The following CADM2 variants were observed in gnomAD, a reference collection of about 807,000 sequenced individuals.
The protein encoded by CADM2 is cell adhesion molecule 2, also known as immunoglobulin superfamily member 4D.
Under a neutral mutation model 49.8 loss-of-function variants are expected in CADM2, and 12 were observed. That is an observed-to-expected ratio of 0.24 (90% CI 0.15 to 0.39). The LOEUF is 0.39. Among genes scored for constraint, CADM2 ranks in the 10% least tolerant of loss-of-function variants. The pLI is 1.00. For missense variants in CADM2, 378 were observed against 492.3 expected (o/e 0.77, Z 2.20); for synonymous variants, 214 against 175.4 (o/e 1.22, Z -1.74).
chr3:85,212,649 C>T (rs2041805935), intron 1 of CADM2, among the ~76,000 whole-genome samples: 1 of 151,624 alleles, frequency 6.6e-6, no homozygotes, highest in Admixed American at 6.6e-5. Flanking sequence ...TTTACTATGT[C>T]TTGAAAAATT....
At chr3:85,272,400 T>C (rs1043434598) in intron 1 of CADM2, among the ~76,000 whole-genome samples, 2 of 151,322 alleles carry the variant, frequency 1.3e-5, no homozygotes, top group Non-Finnish European at 3.0e-5. Context: ...TAAATCAAAT[T>C]TACTTCTTTT....
chr3:85,601,071 C>T (rs1268232435), intron 1 of CADM2, among the ~76,000 whole-genome samples: 1 of 139,188 alleles, frequency 7.2e-6, no homozygotes, highest in African/African-American at 2.7e-5. Context: ...TATATATCTG[C>T]CTATCTTTTT....
chr3:85,981,074 G>A (rs915000646), intron 8 of CADM2, among the ~76,000 whole-genome samples: 1 of 150,596 alleles, frequency 6.6e-6, no homozygotes, highest in African/African-American at 2.4e-5. Flanking sequence ...AAGTACTATT[G>A]TTCTTTGTGG....
chr3:85,146,978 A>G (rs1044011085), intron 1 of CADM2, among the ~76,000 whole-genome samples: 2 of 152,088 alleles, frequency 1.3e-5, no homozygotes, highest in African/African-American at 4.8e-5. Flanking sequence ...TAGATGAAAT[A>G]CTACATGAGT....
intron 1 of CADM2, among the ~76,000 whole-genome samples, chr3:85,366,524 A>G (rs1242474264): frequency 5.9e-5 from 9 of 152,194 alleles, no homozygotes; most frequent in Non-Finnish European, 1.0e-4. Flanking sequence ...TTCATTTATA[A>G]TCTTTGAAAG....
intron 1 of CADM2, among the ~76,000 whole-genome samples, chr3:85,434,421 G>A (rs1274488656): frequency 1.3e-5 from 2 of 151,770 alleles, no homozygotes; most frequent in African/African-American, 4.8e-5. Context: ...TGATATAACA[G>A]TATATTCATT....
chr3:85,346,677 C>T (rs1189643130), intron 1 of CADM2, among the ~76,000 whole-genome samples: 1 of 152,084 alleles, frequency 6.6e-6, no homozygotes, highest in African/African-American at 2.4e-5. Flanking sequence ...AAAATGCAAA[C>T]ACAAATTCTC....
chr3:86,012,721 G>T, intron 8 of CADM2: 2 of 923,290 alleles, frequency 2.2e-6, no homozygotes, highest in South Asian at 2.8e-5. Flanking sequence ...TGGGCGCGTT[G>T]ACTCACGCCT....
chr3:85,735,639 A>G (rs2107808369), intron 2 of CADM2, among the ~76,000 whole-genome samples: 1 of 152,306 alleles, frequency 6.6e-6, no homozygotes, highest in East Asian at 1.9e-4. Context: ...AAATGTGATT[A>G]TAATAGGATG....
chr3:85,744,673 A>C (rs1374985768), intron 2 of CADM2, among the ~76,000 whole-genome samples: 1 of 152,160 alleles, frequency 6.6e-6, no homozygotes, highest in Non-Finnish European at 1.5e-5. Context: ...GTATAAGATC[A>C]GAGCAAGGGC....
intron 8 of CADM2, among the ~76,000 whole-genome samples, chr3:85,967,618 A>T (rs1342385372): frequency 6.6e-5 from 10 of 151,658 alleles, no homozygotes; most frequent in Non-Finnish European, 1.5e-4. Context: ...TGATCTGAGA[A>T]CTTCATCACA....
intron 1 of CADM2, among the ~76,000 whole-genome samples, chr3:85,685,339 G>A (rs141389674): frequency 3.3e-5 from 5 of 152,210 alleles, no homozygotes; most frequent in African/African-American, 4.8e-5. Flanking sequence ...GGATGTAAAA[G>A]CTGTAAATAC....
chr3:85,519,859 C>T (rs1246243768), intron 1 of CADM2, among the ~76,000 whole-genome samples: 3 of 152,004 alleles, frequency 2.0e-5, no homozygotes, highest in South Asian at 2.1e-4. Context: ...AAAGCAATCC[C>T]GTAGAGGTTT....
chr3:85,851,870 T>A (rs1277910322), intron 3 of CADM2, among the ~76,000 whole-genome samples: 1 of 151,990 alleles, frequency 6.6e-6, no homozygotes, highest in Non-Finnish European at 1.5e-5. Flanking sequence ...ATGGGGATGC[T>A]ATTTGGTGAG....
chr3:85,976,692 C>T (rs1726821764), intron 8 of CADM2, among the ~76,000 whole-genome samples: 1 of 151,434 alleles, frequency 6.6e-6, no homozygotes, highest in Non-Finnish European at 1.5e-5. Context: ...ATTTTTTAAA[C>T]CCAATTGTCA....
intron 1 of CADM2, among the ~76,000 whole-genome samples, chr3:84,975,989 T>C (rs1429626040): frequency 1.3e-5 from 2 of 151,878 alleles, no homozygotes; most frequent in African/African-American, 4.8e-5. Context: ...TCATTTTCTA[T>C]TGAATGAAAG....
chr3:85,150,063 T>A (rs2039874218), intron 1 of CADM2, among the ~76,000 whole-genome samples: 1 of 152,234 alleles, frequency 6.6e-6, no homozygotes, highest in Non-Finnish European at 1.5e-5. Context: ...TCACTTCAGT[T>A]GAAAATCAGT....
rs1553724946 is a variant in CADM2 at position 85,449,082 on chromosome 3, A to AATAATAATTAT, written c.62-277439_62-277438insTAATAATTATA. On this transcript the variant is annotated intron_variant, in intron 1 of 9. Transcript: ENST00000383699. ...ATAATAATAATAATAATAATGATAAAAATTATATAATTCATTATACCATCT... is the reference window on the plus strand; with the variant it reads ...ATAATAATAATAATAATAATGATAAAATAATAATTATAATTATATAATTCATTATACCATCT... 4.4e-4 allele frequency among the ~76,000 whole-genome samples: 50 copies of AATAATAATTAT among 112,932 alleles called. 1 individual carries two copies. The highest frequency in any genetic ancestry group is 8.2e-4 in the Non-Finnish European group (44 of 53,684). The allele number at this position is 112,932 out of a possible 152,430, so 74.1% of individuals were successfully genotyped here.
intron 1 of CADM2, among the ~76,000 whole-genome samples, chr3:85,393,996 C>A (rs993083848): frequency 6.6e-6 from 1 of 151,982 alleles, no homozygotes. Context: ...TTAGTAGAGA[C>A]GGGGTAGCCA....
Sources: gnomAD v4.1 joint callset for allele counts (sites outside exome capture counted in the v4.1 genomes callset) on GRCh38, gnomAD v4.1.1 for gene constraint, MANE v1.5 for transcripts, NCBI Gene and HGNC (gene_info 2026-07-23, HGNC 2026-07-21) for gene names.